The following ADAM11 variants were observed in gnomAD, a reference collection of about 807,000 sequenced individuals.
ADAM11 encodes the protein ADAM metallopeptidase domain 11, also known as disintegrin and metalloproteinase domain-containing protein 11.
In ADAM11, 49 loss-of-function variants were observed where a neutral mutation model predicts 119.1. That is an observed-to-expected ratio of 0.41 (90% confidence interval 0.33 to 0.52). The LOEUF is 0.52. Among genes scored for constraint, ADAM11 ranks in the 20% least tolerant of loss-of-function variants. ADAM11 has a pLI of 0.20. For synonymous variants in ADAM11, 364 were observed against 408.0 expected, an observed-to-expected ratio of 0.89 and a Z score of 1.30; for missense variants, 777 against 1,047.5, an observed-to-expected ratio of 0.74 and a Z score of 3.56.
intron 26 of ADAM11, 24 bp from the exon 27 acceptor site, chr17:44,779,715 C>G (rs760150185): frequency 6.3e-7 from 1 of 1,590,216 alleles, no homozygotes; most frequent in Non-Finnish European, 8.5e-7. Flanking sequence ...CACGTCCTCC[C>G]CTGATGCCCC....
chr17:44,770,189 G>A (rs879567913), intron 4 of ADAM11, 141 bp downstream of exon 4: 24 of 1,034,076 alleles, frequency 2.3e-5, no homozygotes, highest in South Asian at 4.6e-5. Flanking sequence ...CCTCTCTCCC[G>A]ACCCAGGAGG....
In ADAM11 at chr17:44,774,317, A is replaced by T; in HGVS notation, c.1015A>T (p.Ser339Cys). 1 of 1,472,604 alleles carries T rather than the reference A, an allele frequency of 6.8e-7. No individual in the cohort carries two copies. Among genetic ancestry groups the T allele is most frequent in the Non-Finnish European group, 9.0e-7 (1 of 1,108,144 alleles). 91.2% of individuals were successfully genotyped at this position (1,472,604 alleles called of 1,614,324 possible). A position where few individuals can be genotyped will look rare whatever the true frequency, so the allele number is the denominator to read the frequency against. The change falls in exon 12 of 27, where the codon AGC becomes TGC. Residue 339 changes from serine (S) to cysteine (C), a missense_variant. Around this residue, in one of 4 missense-constraint regions of ADAM11, gnomAD observed 147 missense variants for 223.3 expected, o/e 0.66. Coordinates refer to ENST00000200557, the MANE Select transcript of ADAM11 (RefSeq NM_002390.6). Reference protein sequence around the residue: ...LFSGRTFQSTSSGAAYVGGIC... With the variant: ...LFSGRTFQSTCSGAAYVGGIC... ...CAGGGGCAGGACCTTCCAGAGCACG[A>T]GCAGCGGGGCAGCCTACGTGGGGGG... is the stretch of plus-strand genomic sequence containing the variant.
chr17:44,760,259 G>T (rs768319176), intron 2 of ADAM11, among the ~76,000 whole-genome samples: 2 of 152,226 alleles, frequency 1.3e-5, no homozygotes, highest in Non-Finnish European at 2.9e-5. Context: ...GGGAGAGGCA[G>T]CCCAGATTCC....
intron 25 of ADAM11, 137 bp from the exon 26 acceptor site, chr17:44,779,085 A>G (rs2049652631): frequency 2.7e-6 from 3 of 1,115,534 alleles, no homozygotes; most frequent in Admixed American, 3.0e-5. Flanking sequence ...TGGCCCTTAC[A>G]TTAGTGTCCA....
intron 2 of ADAM11, among the ~76,000 whole-genome samples, chr17:44,760,599 G>A (rs1391124077): frequency 6.6e-6 from 1 of 152,184 alleles, no homozygotes. Flanking sequence ...ACACCCCAGC[G>A]CTCCAAGAGC....
intron 1 of ADAM11, 85 bp downstream of exon 1, chr17:44,759,345 C>A: frequency 7.7e-7 from 1 of 1,303,558 alleles, no homozygotes; most frequent in Non-Finnish European, 9.8e-7. Flanking sequence ...CCACCTTTTC[C>A]TGCAGTGCTC....
intron 2 of ADAM11, 36 bp downstream of exon 2, chr17:44,759,933 G>A (rs757582687): frequency 3.8e-5 from 48 of 1,257,940 alleles, no homozygotes; most frequent in Non-Finnish European, 4.5e-5. Flanking sequence ...AGGGGCTGAA[G>A]CAGGCCTCAG....
chr17:44,771,297 C>CAAA (rs5820551), intron 4 of ADAM11, among the ~76,000 whole-genome samples: 1 of 120,446 alleles, frequency 8.3e-6, no homozygotes, highest in South Asian at 2.7e-4. Flanking sequence ...GACCCTGTCT[C>CAAA]AAAAAAAAAA....
rs1322670388 is a variant in ADAM11, at chr17:44,773,426, T to A, written c.991T>A (p.Ser331Thr). The A allele has an allele frequency of 6.2e-7, 1 of 1,612,436 alleles. No individual in the cohort carries two copies. ...GCCCAGTGATGCCACCCACCTCTTC[T>A]CGTGAGTCCCCCACCCTGCACCTCC... ...PEPSDATHLF[S>T]GRTFQSTSSG... Residue 331 changes from serine (S) to threonine (T), a missense_variant and splice_region_variant, in exon 11 of 27, where the codon TCG becomes ACG. Ser to Thr is a moderately conservative substitution (Grantham distance 58). This residue lies in a region of ADAM11 where 147 missense variants were observed against 223.3 expected (regional missense o/e 0.66). Coordinates refer to ENST00000200557, the MANE Select transcript of ADAM11 (RefSeq NM_002390.6). The surrounding 1 kb of genome is among the most constrained non-coding windows in gnomAD (Gnocchi z 4.6).
intron 4 of ADAM11, among the ~76,000 whole-genome samples, chr17:44,771,094 A>T (rs540314345): frequency 2.6e-4 from 40 of 152,242 alleles, no homozygotes; most frequent in African/African-American, 9.4e-4. Flanking sequence ...AGCCTGGGCA[A>T]CAAGAGCGAA....
At position 44,773,034 on chromosome 17, in the gene ADAM11, G is replaced by T; in HGVS notation, c.774G>T (p.Ser258=). The change falls in exon 10 of 27, where the codon TCG becomes TCT. Residue 258 remains serine, a synonymous_variant. Coordinates refer to ENST00000200557, the MANE Select transcript of ADAM11 (RefSeq NM_002390.6). This position sits in a 1 kb window ranked among gnomAD's most constrained non-coding sequence, Gnocchi z 4.6. The stretch of plus-strand genomic sequence containing the variant: ...CCCAGTTCGAGCAGATGCGACAGTC[G>T]GTGGTCCTCACCAGCAACTTTGCCA... The part of the protein sequence containing the change: ...DHQLFEQMRQ[S]VVLTSNFAKS... 6.2e-7 allele frequency: 1 copy of T among 1,614,002 alleles called. No individual in the cohort carries two copies. Among genetic ancestry groups the T allele is most frequent in the Non-Finnish European group, 8.5e-7 (1 of 1,179,986 alleles).
Position 44,773,547 on chromosome 17 carries a change from G to T in ADAM11, c.992+120G>T, listed in dbSNP as rs1471835741. ...AGAGTCTGGGGACTGGGCTCACCTT[G>T]CACCTGCCACCTACCCCCAGCCACA... On this transcript the variant is annotated intron_variant, in intron 11 of 26. Coordinates refer to ENST00000200557, the MANE Select transcript of ADAM11 (RefSeq NM_002390.6). This position sits in a 1 kb window ranked among gnomAD's most constrained non-coding sequence, Gnocchi z 4.6. The T allele has an allele frequency of 1.3e-5, 16 of 1,253,414 alleles. No homozygotes were observed. The South Asian group carries it at 1.4e-4, about 11-fold the overall frequency. 77.6% of individuals were successfully genotyped at this position (1,253,414 alleles called of 1,614,324 possible).
At position 44,777,408 on chromosome 17, in the gene ADAM11, T is replaced by C. The variant is rs1362532916; in HGVS notation, c.1782-74T>C. ...GCAAATGAGGTGGCAGGGTGCAGGG[T>C]GAGGGCAGATTAGAGTTCAGTAGTT... On this transcript the variant is annotated intron_variant, in intron 21 of 26. Transcript: ENST00000200557. The surrounding 1 kb of genome is among the most constrained non-coding windows in gnomAD (Gnocchi z 5.1). The C allele has an allele frequency of 6.4e-7, 1 of 1,561,532 alleles. No individual in the cohort carries two copies. Among genetic ancestry groups the C allele is most frequent in the Non-Finnish European group, 8.8e-7 (1 of 1,136,160 alleles).
intron 4 of ADAM11, among the ~76,000 whole-genome samples, chr17:44,770,452 G>A (rs1203707814): frequency 1.3e-5 from 2 of 150,922 alleles, no homozygotes; most frequent in Non-Finnish European, 2.9e-5. Flanking sequence ...AGGCTCTAGA[G>A]CCTGAAAATG....
chr17:44,777,394 GGCAGGGT>G lies in ADAM11; in HGVS notation c.1782-79_1782-73del, dbSNP rs931330110. ...TGGGCGGGCACGTGGCAAATGAGGT[GGCAGGGT>G]GCAGGGTGAGGGCAGATTAGAGTTC... On this transcript the variant is annotated intron_variant, in intron 21 of 26. Coordinates refer to ENST00000200557, the MANE Select transcript of ADAM11 (RefSeq NM_002390.6). The surrounding 1 kb of genome is among the most constrained non-coding windows in gnomAD (Gnocchi z 5.1). The G allele has an allele frequency of 2.6e-6, 4 of 1,535,248 alleles. No individual in the cohort carries two copies. In the African/African-American group the frequency reaches 4.1e-5, roughly 16 times the overall value.
intron 2 of ADAM11, among the ~76,000 whole-genome samples, chr17:44,763,286 A>C (rs2049410667): frequency 6.6e-6 from 1 of 152,210 alleles, no homozygotes; most frequent in African/African-American, 2.4e-5. Flanking sequence ...TCGCAGATGG[A>C]GAAACAGGCA....
chr17:44,772,606 G>A lies in ADAM11; in HGVS notation c.678+140G>A. On this transcript the variant is annotated intron_variant, in intron 8 of 26. Transcript: ENST00000200557. This position sits in a 1 kb window ranked among gnomAD's most constrained non-coding sequence, Gnocchi z 4.5. ...CAGATGGATGTGGCTGGGGGCCAGG[G>A]ACCGTGTCTGGGAGAAGCCCCCACC... 8.3e-7 allele frequency: 1 copy of A among 1,210,378 alleles called. No homozygotes were observed. The highest frequency in any genetic ancestry group is 2.6e-5 in the East Asian group (1 of 39,082). The allele number at this position is 1,210,378 out of a possible 1,614,324, so 75.0% of individuals were successfully genotyped here.
intron 2 of ADAM11, among the ~76,000 whole-genome samples, chr17:44,762,473 C>T (rs2049400820): frequency 1.3e-5 from 2 of 152,142 alleles, no homozygotes; most frequent in Admixed American, 6.5e-5. Flanking sequence ...GACTTGAGCC[C>T]GTGTGTGTCC....
chr17:44,777,686 C>G lies in ADAM11; in HGVS notation c.1902-9C>G. The G allele has an allele frequency of 6.2e-7, 1 of 1,613,512 alleles. No individual in the cohort carries two copies. The highest frequency in any genetic ancestry group is 8.5e-7 in the Non-Finnish European group (1 of 1,179,604). ...CAGGGGGCTGAGGCTGGCTGTGTCACTTCCCCAGGGGAGGCCACGTGCAGC... is the reference window on the plus strand; with the variant it reads ...CAGGGGGCTGAGGCTGGCTGTGTCAGTTCCCCAGGGGAGGCCACGTGCAGC... On this transcript the variant is annotated splice_polypyrimidine_tract_variant and intron_variant, in intron 22 of 26. Transcript: ENST00000200557. This position sits in a 1 kb window ranked among gnomAD's most constrained non-coding sequence, Gnocchi z 5.1.
Sources: allele counts gnomAD v4.1 joint callset (sites outside exome capture counted in the v4.1 genomes callset), GRCh38; gene constraint gnomAD v4.1.1; regional missense constraint gnomAD v4.1.1; non-coding constraint Gnocchi (gnomAD v3.1); transcripts MANE v1.5; gene names NCBI Gene and HGNC (gene_info 2026-07-23, HGNC 2026-07-21).